The following KERA variants were observed in gnomAD, a reference collection of about 807,000 sequenced individuals.
KERA encodes keratocan, also known as keratan sulfate proteoglycan keratocan.
Under a neutral mutation model 26.4 loss-of-function variants are expected in KERA, and 25 were observed. The observed-to-expected ratio is 0.95, with a 90% CI of 0.69 to 1.32. The LOEUF (loss-of-function observed/expected upper bound fraction) is 1.32. Among genes scored for constraint, KERA ranks in the 40% most tolerant of loss-of-function variants. The pLI, the probability that KERA is intolerant of heterozygous loss-of-function variation, is 0.00. For missense variants in KERA, 434 were observed against 408.9 expected, an observed-to-expected ratio of 1.06 and a Z score of -0.53; for synonymous variants, 167 against 146.1, an observed-to-expected ratio of 1.14 and a Z score of -1.03.
Position 91,055,586 on chromosome 12 carries a change from A to C in KERA, c.696T>G (p.Tyr232Ter), listed in dbSNP as rs139692564. Residue 232 changes from tyrosine (Y) to a stop codon, truncating the protein, a stop_gained, in exon 2 of 3, where the codon TAT (tyrosine) becomes TAG (stop). Coordinates refer to ENST00000266719, the MANE Select transcript of KERA (RefSeq NM_007035.4). LOFTEE classifies it high-confidence loss of function. ...AGGCCACTTTAGGAATCACATTAAA[A>C]TAATTTTCTGGTATTCCTTCAATGG... ...NNSIEGIPEN[Y>*]FNVIPKVAFL... The C allele has an allele frequency of 6.8e-6, 11 of 1,611,040 alleles. No homozygotes were observed. In the Admixed American group the frequency reaches 8.4e-5, roughly 12 times the overall value.
chr12:91,051,210 A>G lies in KERA; in HGVS notation c.*136T>C, dbSNP rs1878856561. On this transcript the variant is annotated 3_prime_UTR_variant, in exon 3 of 3. Transcript: ENST00000266719. ...CTGGCAAAAGCATCTTTGAATAGAA[A>G]AAATACACTGCACAAATGAAAATGG... The G allele has an allele frequency of 2.7e-6, 2 of 746,088 alleles. No individual in the cohort carries two copies. The highest frequency in any genetic ancestry group is 4.2e-5 in the Admixed American group (2 of 47,338). 46.2% of individuals were successfully genotyped at this position (746,088 alleles called of 1,614,324 possible).
intron 2 of KERA, 75 bp from the exon 3 acceptor site, chr12:91,051,593 T>A (rs1878869734): frequency 1.9e-6 from 2 of 1,065,094 alleles, no homozygotes; most frequent in African/African-American, 1.5e-5. Context: ...AAAAAACTAA[T>A]GCCATGGTCC....
intron 2 of KERA, among the ~76,000 whole-genome samples, chr12:91,052,879 G>A (rs1286089595): frequency 6.6e-6 from 1 of 151,248 alleles, no homozygotes; most frequent in African/African-American, 2.4e-5. Flanking sequence ...CTGAATAAAT[G>A]AATATAAAAA....
At chr12:91,057,232 G>A (rs1366656876) in intron 1 of KERA, among the ~76,000 whole-genome samples, 5 of 150,060 alleles carry the variant, frequency 3.3e-5, no homozygotes, top group Non-Finnish European at 6.0e-5. Flanking sequence ...AAGTAGGTTA[G>A]CGTTTACTAA....
chr12:91,055,357 G>A (rs772607358), intron 2 of KERA, 39 bp downstream of exon 2: 8 of 1,545,690 alleles, frequency 5.2e-6, no homozygotes, highest in Non-Finnish European at 6.3e-6. Context: ...TAATGACCAT[G>A]AGCCCTTTAG....
Position 91,055,810 on chromosome 12 carries a change from G to A in KERA, c.472C>T (p.Pro158Ser), listed in dbSNP as rs765084335. The change falls in exon 2 of 3, where the codon CCT (proline) becomes TCT (serine). Residue 158 changes from proline (P) to serine (S), a missense_variant. By Grantham distance (74) the Pro-to-Ser change is moderately conservative. Transcript: ENST00000266719. ...TCCAGATTGCTAAAGGTCCCTTGAG[G>A]AATTCTGGACACCTTATTTCTAGCT... ...QLARNKVSRI[P>S]QGTFSNLENL... 8.7e-6 allele frequency: 14 copies of A among 1,611,160 alleles called. No individual in the cohort carries two copies. The highest frequency in any genetic ancestry group is 1.2e-5 in the Non-Finnish European group (14 of 1,178,226).
Position 91,057,971 on chromosome 12 carries a change from T to G in KERA, c.-236A>C, listed in dbSNP as rs1012405885. The G allele has an allele frequency of 2.0e-5, 3 of 151,250 alleles. No homozygotes were observed. The highest frequency in any genetic ancestry group is 7.3e-5 in the African/African-American group (3 of 41,298). 9.4% of individuals were successfully genotyped at this position (151,250 alleles called of 1,614,324 possible). A position where few individuals can be genotyped will look rare whatever the true frequency, so the allele number is the denominator to read the frequency against. ...CAGAAGACTGCTTACCTCAGCCTTC[T>G]TGGATCTTCTTCTTCCTTTTCTATT... On this transcript the variant is annotated 5_prime_UTR_variant, in exon 1 of 3. Transcript: ENST00000266719.
chr12:91,053,509 A>T (rs184882014), intron 2 of KERA, among the ~76,000 whole-genome samples: 9 of 151,404 alleles, frequency 5.9e-5, no homozygotes, highest in Admixed American at 2.0e-4. Flanking sequence ...AGGATTAAAT[A>T]GTAGTTCTCA....
intron 2 of KERA, among the ~76,000 whole-genome samples, 185 bp downstream of exon 2, chr12:91,055,211 T>A (rs1243662509): frequency 2.0e-5 from 3 of 151,144 alleles, no homozygotes; most frequent in Non-Finnish European, 4.5e-5. Flanking sequence ...AGATTTGGAC[T>A]TCTTGGTTCA....
rs1268939901 is a variant in KERA at position 91,050,986 on chromosome 12, C to A, written c.*360G>T. On this transcript the variant is annotated 3_prime_UTR_variant, in exon 3 of 3. Coordinates refer to ENST00000266719, the MANE Select transcript of KERA (RefSeq NM_007035.4). ...ATTATTACATTTATACTGTAAATTA[C>A]GGTATCTGCATAAGTAATTTTAAAC... 3 of 200,040 alleles carry A rather than the reference C, an allele frequency of 1.5e-5. No homozygotes were observed. The East Asian group carries it at 3.3e-4, about 22-fold the overall frequency. The allele number at this position is 200,040 out of a possible 1,614,324, so 12.4% of individuals were successfully genotyped here. A position where few individuals can be genotyped will look rare whatever the true frequency, so the allele number is the denominator to read the frequency against.
At position 91,055,818 on chromosome 12, in the gene KERA, G is replaced by C; in HGVS notation, c.464C>G (p.Ser155Cys). The C allele has an allele frequency of 6.2e-7, 1 of 1,611,288 alleles. No individual in the cohort carries two copies. Among genetic ancestry groups the C allele is most frequent in the Non-Finnish European group, 8.5e-7 (1 of 1,178,220 alleles). Residue 155 changes from serine (S) to cysteine (C), a missense_variant, in exon 2 of 3, where the codon TCC becomes TGC. By Grantham distance (112) the Ser-to-Cys change is moderately radical. Coordinates refer to ENST00000266719, the MANE Select transcript of KERA (RefSeq NM_007035.4). ...EQLQLARNKVSRIPQGTFSNL... is the reference protein window; with the variant it reads ...EQLQLARNKVCRIPQGTFSNL... ...GCTAAAGGTCCCTTGAGGAATTCTG[G>C]ACACCTTATTTCTAGCTAATTGTAA... is the stretch of plus-strand genomic sequence containing the variant.
Position 91,051,343 on chromosome 12 carries a change from T to C in KERA, c.*3A>G. ...ACTAATTTTAGATTTGGTGAGAATG[T>C]GTTTAAATAATGACAGCCTGCAGAA... On this transcript the variant is annotated 3_prime_UTR_variant, in exon 3 of 3. Coordinates refer to ENST00000266719, the MANE Select transcript of KERA (RefSeq NM_007035.4). 6.2e-7 allele frequency: 1 copy of C among 1,609,036 alleles called. No individual in the cohort carries two copies.
chr12:91,055,556 C>CA lies in KERA; in HGVS notation c.725dup (p.Leu242PhefsTer11). ...CTGACAGTTTGTTGTGATTTAGTCT[C>CA]AAAAAGGCCACTTTAGGAATCACAT... On this transcript the variant is annotated frameshift_variant, in exon 2 of 3. Transcript: ENST00000266719. LOFTEE classifies it high-confidence loss of function. The CA allele has an allele frequency of 6.2e-7, 1 of 1,610,542 alleles. No individual in the cohort carries two copies. The highest frequency in any genetic ancestry group is 2.2e-5 in the East Asian group (1 of 44,778).
In KERA at chr12:91,055,712, T is replaced by A. The variant is rs766635508; in HGVS notation, c.570A>T (p.Gly190=). 1 of 1,611,432 alleles carries A rather than the reference T, an allele frequency of 6.2e-7. No homozygotes were observed. The highest frequency in any genetic ancestry group is 8.5e-7 in the Non-Finnish European group (1 of 1,178,264). The change falls in exon 2 of 3, where the codon GGA becomes GGT. Residue 190 remains glycine (G), a synonymous_variant. Transcript: ENST00000266719. ...TGTTTAGCTGCATGAGATTCTTGAG[T>A]CCTTTAAAAGTGTCTCTTTGAAAGG... ...DNAFQRDTFK[G]LKNLMQLNMA...
At chr12:91,051,567 T>A in intron 2 of KERA, 49 bp from the exon 3 acceptor site, 1 of 1,439,444 alleles carries the variant, frequency 6.9e-7, no homozygotes, top group Non-Finnish European at 9.8e-7. Context: ...CAAGAGAAAC[T>A]AACAGTGGGA....
Position 91,051,221 on chromosome 12 carries a change from C to T in KERA, c.*125G>A. 1.3e-6 allele frequency: 1 copy of T among 789,590 alleles called. No homozygotes were observed. Among genetic ancestry groups the T allele is most frequent in the South Asian group, 1.5e-5 (1 of 67,816 alleles). The allele number at this position is 789,590 out of a possible 1,614,324, so 48.9% of individuals were successfully genotyped here. A position where few individuals can be genotyped will look rare whatever the true frequency, so the allele number is the denominator to read the frequency against. On this transcript the variant is annotated 3_prime_UTR_variant, in exon 3 of 3. Transcript: ENST00000266719. ...ATCTTTGAATAGAAAAAATACACTG[C>T]ACAAATGAAAATGGTGGCCGAGAGC...
chr12:91,055,922 C>T lies in KERA; in HGVS notation c.360G>A (p.Leu120=). ...CCAGAAATAAGAAGAGCAACTTCTT[C>T]AGCTGGCTTAGGGCTCCTTTTTCAA... ...YGIEKGALSQ[L]KKLLFLFLED... The change falls in exon 2 of 3, where the codon CTG becomes CTA. Residue 120 remains leucine (L), a synonymous_variant. Transcript: ENST00000266719. 6.2e-7 allele frequency: 1 copy of T among 1,611,190 alleles called. No homozygotes were observed. The highest frequency in any genetic ancestry group is 8.5e-7 in the Non-Finnish European group (1 of 1,178,190).
intron 1 of KERA, 112 bp downstream of exon 1, chr12:91,057,632 C>G (rs75926997): frequency 1.5e-5 from 2 of 134,526 alleles, no homozygotes; most frequent in African/African-American, 5.8e-5. Flanking sequence ...TTTTTTTTTT[C>G]TTTTTCAGAA....
At chr12:91,052,172 C>A (rs1334969349) in intron 2 of KERA, among the ~76,000 whole-genome samples, 1 of 151,388 alleles carries the variant, frequency 6.6e-6, no homozygotes, top group African/African-American at 2.4e-5. Flanking sequence ...AGAACTCAAG[C>A]CAGAAAATAT....
Sources: gnomAD v4.1 joint callset for allele counts (sites outside exome capture counted in the v4.1 genomes callset) on GRCh38, gnomAD v4.1.1 for gene constraint, MANE v1.5 for transcripts, NCBI Gene and HGNC (gene_info 2026-07-23, HGNC 2026-07-21) for gene names.